The following TLL2 variants were observed in gnomAD, a reference collection of about 807,000 sequenced individuals.
TLL2 encodes the protein tolloid-like protein 2.
In TLL2, 106 loss-of-function variants were observed where a neutral mutation model predicts 123.0. That is an observed-to-expected ratio of 0.86 (90% CI 0.74 to 1.01). The LOEUF is 1.01. Ranked by LOEUF, TLL2 falls within the 50% of genes least tolerant of loss-of-function variation. TLL2 has a pLI of 0.00. For missense variants in TLL2, 1,332 were observed against 1,336.7 expected (o/e 1.00, Z 0.06); for synonymous variants, 494 against 516.8 (o/e 0.96, Z 0.60).
At chr10:96,397,482 T>C (rs1846353127) in intron 10 of TLL2, among the ~76,000 whole-genome samples, 180 bp from the exon 11 acceptor site, 1 of 152,134 alleles carries the variant, frequency 6.6e-6, no homozygotes, top group South Asian at 2.1e-4. Context: ...AGTCACACAA[T>C]AATGTGTGAC....
chr10:96,450,915 G>T (rs1271091713), intron 2 of TLL2, among the ~76,000 whole-genome samples: 1 of 152,190 alleles, frequency 6.6e-6, no homozygotes, highest in Non-Finnish European at 1.5e-5. Context: ...TCTTCGGTGA[G>T]AGGATATGCA....
chr10:96,469,726 A>G lies in TLL2; in HGVS notation c.286+10623T>C, dbSNP rs368003605. ...TCATCACTCCCATCTTAAAAACACA[A>G]TCTCCTTAATGGTGGGAGAAAAAGT... On this transcript the variant is annotated intron_variant, in intron 2 of 20. Coordinates refer to ENST00000357947, the MANE Select transcript of TLL2 (RefSeq NM_012465.4). 6.6e-5 allele frequency among the ~76,000 whole-genome samples: 10 copies of G among 152,178 alleles called. No individual in the cohort carries two copies. In the East Asian group the frequency reaches 1.5e-3, roughly 23 times the overall value.
At position 96,410,443 on chromosome 10, in the gene TLL2, TC is replaced by T. The variant is rs753509952; in HGVS notation, c.1079del (p.Gly360GlufsTer32). Reference sequence around the variant, plus strand: ...TTGGGAAACCAGGTGCAGAAAAGTTTCCCGTTGTGTCCTGCAGGGTCTCCCC... The same window carrying T: ...TTGGGAAACCAGGTGCAGAAAAGTTTCCGTTGTGTCCTGCAGGGTCTCCCC... ...ACGETLQDTT[G>X]NFSAPGFPNG... On this transcript the variant is annotated frameshift_variant, in exon 9 of 21. Transcript: ENST00000357947. LOFTEE classifies it high-confidence loss of function. 1.2e-6 allele frequency: 2 copies of T among 1,614,004 alleles called. No individual in the cohort carries two copies. The highest frequency in any genetic ancestry group is 2.7e-5 in the African/African-American group (2 of 74,974).
At chr10:96,476,248 T>TTTGTTGTTGTTGTTGTTGTTG (rs1554939655) in intron 2 of TLL2, among the ~76,000 whole-genome samples, 4 of 69,242 alleles carry the variant, frequency 5.8e-5, no homozygotes, top group African/African-American at 2.5e-4. Context: ...ATATTTTATT[T>TTTGTTGTTGTTGTTGTTGTTG]TTGTTGTTGT....
At chr10:96,476,240 A>ATATATATATTT in intron 2 of TLL2, among the ~76,000 whole-genome samples, 2 of 20,500 alleles carry the variant, frequency 9.8e-5, no homozygotes, top group Non-Finnish European at 2.0e-4. Flanking sequence ...ATATATATAT[A>ATATATATATTT]TTTTATTTTT....
intron 1 of TLL2, among the ~76,000 whole-genome samples, chr10:96,498,191 A>G (rs944361917): frequency 1.3e-5 from 2 of 152,208 alleles, no homozygotes; most frequent in Non-Finnish European, 2.9e-5. Context: ...GACAATGGCC[A>G]TGGGAGACCC....
intron 1 of TLL2, among the ~76,000 whole-genome samples, chr10:96,512,877 G>A (rs771695017): frequency 6.6e-6 from 1 of 152,310 alleles, no homozygotes; most frequent in South Asian, 2.1e-4. Flanking sequence ...CTGGGGCGCC[G>A]CTTCCTGGAG....
intron 7 of TLL2, among the ~76,000 whole-genome samples, chr10:96,418,813 T>C (rs1846591940): frequency 6.8e-6 from 1 of 148,092 alleles, no homozygotes; most frequent in Admixed American, 6.8e-5. Context: ...ATAAATTATA[T>C]GAATATATAA....
At position 96,384,739 on chromosome 10, in the gene TLL2, C is replaced by T. The variant is rs750667574; in HGVS notation, c.2042G>A (p.Arg681His). The T allele has an allele frequency of 5.0e-6, 8 of 1,604,800 alleles. No homozygotes were observed. Among genetic ancestry groups the T allele is most frequent in the East Asian group, 2.2e-5 (1 of 44,542 alleles). Residue 681 changes from arginine (R) to histidine (H), a missense_variant, in exon 16 of 21, where the codon CGC (arginine) becomes CAC (histidine). Coordinates refer to ENST00000357947, the MANE Select transcript of TLL2 (RefSeq NM_012465.4). ...CTTGGCGTCGGGGGACAGGCCGCTG[C>T]GCACCTCTACAAAGTCGTACTTACA... ...DVCKYDFVEV[R>H]SGLSPDAKLH...
chr10:96,510,169 A>C (rs1350421022), intron 1 of TLL2, among the ~76,000 whole-genome samples: 1 of 152,156 alleles, frequency 6.6e-6, no homozygotes, highest in African/African-American at 2.4e-5. Context: ...CTTGTGGGTG[A>C]GGATAGGCAG....
chr10:96,394,958 A>G (rs992446434), intron 13 of TLL2, among the ~76,000 whole-genome samples: 1 of 152,176 alleles, frequency 6.6e-6, no homozygotes, highest in South Asian at 2.1e-4. Context: ...ATTAGATCTA[A>G]TTTCCAAGTA....
intron 2 of TLL2, among the ~76,000 whole-genome samples, chr10:96,461,739 C>T (rs186587962): frequency 9.1e-4 from 139 of 152,340 alleles, no homozygotes; most frequent in Admixed American, 2.5e-3. Flanking sequence ...TACATCTCTT[C>T]CAAGGCCTTG....
At chr10:96,397,880 G>A (rs79879956) in intron 10 of TLL2, among the ~76,000 whole-genome samples, 11 of 152,134 alleles carry the variant, frequency 7.2e-5, no homozygotes, top group East Asian at 1.9e-4. Context: ...CAGGACTAGC[G>A]GGAGAGCAGC....
At chr10:96,463,353 C>T (rs577239172) in intron 2 of TLL2, among the ~76,000 whole-genome samples, 2 of 152,242 alleles carry the variant, frequency 1.3e-5, no homozygotes, top group African/African-American at 2.4e-5. Context: ...AAGGAGAGCC[C>T]CTGAGAAAGG....
At chr10:96,488,240 G>A (rs1847375955) in intron 1 of TLL2, among the ~76,000 whole-genome samples, 1 of 152,216 alleles carries the variant, frequency 6.6e-6, no homozygotes, top group Non-Finnish European at 1.5e-5. Context: ...GTGATGTGTA[G>A]TGAGCTAAGA....
At chr10:96,396,709 C>T (rs1846345442) in intron 11 of TLL2, among the ~76,000 whole-genome samples, 1 of 151,320 alleles carries the variant, frequency 6.6e-6, no homozygotes, top group Non-Finnish European at 1.5e-5. Flanking sequence ...CCTATTGGTT[C>T]CCTCTACTCA....
At chr10:96,452,213 T>G (rs1846967685) in intron 2 of TLL2, among the ~76,000 whole-genome samples, 1 of 152,228 alleles carries the variant, frequency 6.6e-6, no homozygotes, top group Non-Finnish European at 1.5e-5. Context: ...CAGAGTTGTA[T>G]GTCAGAGCAG....
In TLL2 at chr10:96,386,076, C is replaced by T; in HGVS notation, c.1992G>A (p.Val664=). The T allele has an allele frequency of 6.2e-7, 1 of 1,606,354 alleles. No individual in the cohort carries two copies. The highest frequency in any genetic ancestry group is 1.1e-5 in the South Asian group (1 of 89,676). ...ATACGTCATTGCCTTCCAGTTCAAA[C>T]ACTTCAAACTGAAGGGAGATCCGGT... ...AQYRISLQFE[V]FELEGNDVCK... is the part of the protein sequence containing the mutation. The change falls in exon 15 of 21, where the codon GTG becomes GTA. Residue 664 remains valine (V), a synonymous_variant. Transcript: ENST00000357947.
chr10:96,455,113 G>A (rs1190194861), intron 2 of TLL2, among the ~76,000 whole-genome samples: 4 of 152,118 alleles, frequency 2.6e-5, no homozygotes, highest in East Asian at 1.9e-4. Context: ...ATGGTGGCGG[G>A]TGCCTATAGT....
Sources: allele counts gnomAD v4.1 joint callset (sites outside exome capture counted in the v4.1 genomes callset), GRCh38; gene constraint gnomAD v4.1.1; transcripts MANE v1.5; gene names NCBI Gene and HGNC (gene_info 2026-07-23, HGNC 2026-07-21).